ALKBH8: variants seen among roughly 807,000 people sequenced by gnomAD.
ALKBH8 encodes the protein alkB homolog 8, tRNA methyltransferase, also known as tRNA (carboxymethyluridine(34)-5-O)-methyltransferase ALKBH8.
Under a neutral mutation model 59.8 loss-of-function variants are expected in ALKBH8, and 36 were observed. The ratio of observed to expected loss-of-function variants is 0.60; its 90% CI spans 0.46 to 0.79. ALKBH8 has a LOEUF of 0.79. Ranked by LOEUF, ALKBH8 falls within the 30% of genes least tolerant of loss-of-function variation. ALKBH8 has a pLI of 0.00. For synonymous variants in ALKBH8, 276 were observed against 273.6 expected (o/e 1.01, Z -0.09); for missense variants, 768 against 801.0 (o/e 0.96, Z 0.50).
chr11:107,546,205 T>C (rs990832346), intron 7 of ALKBH8, among the ~76,000 whole-genome samples: 16 of 152,222 alleles, frequency 1.1e-4, no homozygotes, highest in African/African-American at 3.1e-4. Context: ...TAATAGAAGT[T>C]AGGTATTGGT....
At chr11:107,528,614 T>C (rs534637400) in intron 8 of ALKBH8, among the ~76,000 whole-genome samples, 15 of 152,300 alleles carry the variant, frequency 9.8e-5, no homozygotes, top group African/African-American at 3.4e-4. Context: ...TTCTCTATTA[T>C]GGTTCTTTTA....
At chr11:107,508,663 T>G (rs1405811970) in intron 11 of ALKBH8, among the ~76,000 whole-genome samples, 2 of 152,156 alleles carry the variant, frequency 1.3e-5, no homozygotes, top group African/African-American at 4.8e-5. Context: ...TCATAGCAAC[T>G]CCCATGCCTC....
chr11:107,525,388 CT>C, intron 9 of ALKBH8, 52 bp downstream of exon 9: 1 of 1,473,152 alleles, frequency 6.8e-7, no homozygotes, highest in Non-Finnish European at 9.0e-7. Flanking sequence ...CCTTAAAGGA[CT>C]TTTATATTAA....
At chr11:107,514,188 C>T (rs1862760020) in intron 10 of ALKBH8, among the ~76,000 whole-genome samples, 1 of 150,214 alleles carries the variant, frequency 6.7e-6, no homozygotes, top group African/African-American at 2.5e-5. Context: ...TTCAATTTAC[C>T]AAAAAAAACA....
chr11:107,550,709 T>C (rs1425716487), intron 6 of ALKBH8, among the ~76,000 whole-genome samples: 1 of 152,104 alleles, frequency 6.6e-6, no homozygotes, highest in Non-Finnish European at 1.5e-5. Context: ...AAAACAAAAC[T>C]CCATAACTCC....
intron 7 of ALKBH8, among the ~76,000 whole-genome samples, chr11:107,547,346 G>A (rs1432162547): frequency 6.6e-6 from 1 of 152,166 alleles, no homozygotes; most frequent in African/African-American, 2.4e-5. Context: ...AGAGTGGAAA[G>A]TCATCTCTCT....
intron 10 of ALKBH8, among the ~76,000 whole-genome samples, chr11:107,511,399 A>C (rs1270326426): frequency 6.6e-6 from 1 of 152,160 alleles, no homozygotes; most frequent in East Asian, 1.9e-4. Flanking sequence ...ACATAAACAC[A>C]GACAGTCTTT....
At chr11:107,509,392 T>C (rs1364890430) in intron 11 of ALKBH8, among the ~76,000 whole-genome samples, 1 of 152,224 alleles carries the variant, frequency 6.6e-6, no homozygotes, top group African/African-American at 2.4e-5. Context: ...TTATATATTA[T>C]GGATATTAAT....
At position 107,541,816 on chromosome 11, in the gene ALKBH8, C is replaced by T. The variant is rs141572027; in HGVS notation, c.771+7937G>A. 1.9e-3 allele frequency among the ~76,000 whole-genome samples: 288 copies of T among 152,070 alleles called. 1 individual carries two copies. Among genetic ancestry groups the T allele is most frequent in the African/African-American group, 6.7e-3 (279 of 41,510 alleles). ...ACCTCAAATATTCAAATATCAGAAA[C>T]AGGCTATAAAACAAAGATGCTTACC... On this transcript the variant is annotated intron_variant, in intron 7 of 11. Coordinates refer to ENST00000428149, the MANE Select transcript of ALKBH8 (RefSeq NM_138775.3).
intron 7 of ALKBH8, among the ~76,000 whole-genome samples, chr11:107,534,409 C>T (rs1348688743): frequency 6.6e-6 from 1 of 152,072 alleles, no homozygotes; most frequent in Non-Finnish European, 1.5e-5. Context: ...TTTTATTAAT[C>T]GTTTGGTGAG....
chr11:107,502,991 A>G lies in ALKBH8; in HGVS notation c.*1667T>C, dbSNP rs1034119415. ...TAATAAATGGCAGATCTAGAATTCA[A>G]CTCTCAGGAAATCTGATTCTAGAGC... On this transcript the variant is annotated 3_prime_UTR_variant, in exon 12 of 12. Transcript: ENST00000428149. 9 of 152,096 alleles carry G rather than the reference A, an allele frequency of 5.9e-5. No individual in the cohort carries two copies. Among genetic ancestry groups the G allele is most frequent in the African/African-American group, 2.2e-4 (9 of 41,396 alleles). The allele number at this position is 152,096 out of a possible 1,614,324, so 9.4% of individuals were successfully genotyped here. A position where few individuals can be genotyped will look rare whatever the true frequency, so the allele number is the denominator to read the frequency against.
rs764953452 is a variant in ALKBH8 at position 107,553,855 on chromosome 11, T to C, written c.491A>G (p.Asn164Ser). The C allele has an allele frequency of 2.5e-6, 4 of 1,608,788 alleles. No homozygotes were observed. The South Asian group carries it at 3.3e-5, about 13-fold the overall frequency. Residue 164 changes from asparagine to serine, a missense_variant, in exon 4 of 12, where the codon AAT (asparagine) becomes AGT (serine). Asn to Ser is a conservative substitution (Grantham distance 46, BLOSUM62 1). Coordinates refer to ENST00000428149, the MANE Select transcript of ALKBH8 (RefSeq NM_138775.3). ...ESVDWTEDTD[N>S]QNSQKSLKHR... Reference sequence around the variant, plus strand: ...TTGAAAGTTTTACTTACAGTTTTGATTGTCTGTATCTTCTGTCCAATCAAC... The same window carrying C: ...TTGAAAGTTTTACTTACAGTTTTGACTGTCTGTATCTTCTGTCCAATCAAC...
At chr11:107,559,338 G>A (rs1864844719) in intron 2 of ALKBH8, among the ~76,000 whole-genome samples, 1 of 152,006 alleles carries the variant, frequency 6.6e-6, no homozygotes, top group South Asian at 2.1e-4. Flanking sequence ...ATAATTAGAG[G>A]TCCATCTACA....
At chr11:107,549,681 G>A (rs2135567241) in intron 7 of ALKBH8, 72 bp downstream of exon 7, 1 of 1,059,112 alleles carries the variant, frequency 9.4e-7, no homozygotes, top group East Asian at 2.8e-5. Flanking sequence ...CATTAAGAAT[G>A]TGGATAATCT....
intron 8 of ALKBH8, among the ~76,000 whole-genome samples, chr11:107,528,829 G>C (rs1002819069): frequency 2.0e-5 from 3 of 152,012 alleles, no homozygotes; most frequent in African/African-American, 7.2e-5. Context: ...TATAAAAACA[G>C]TTTTATAGAT....
At chr11:107,548,855 C>CTT (rs56654607) in intron 7 of ALKBH8, among the ~76,000 whole-genome samples, 11 of 146,856 alleles carry the variant, frequency 7.5e-5, no homozygotes, top group African/African-American at 2.7e-4. Flanking sequence ...GATTTTCTTT[C>CTT]TTTTTTTTTT....
chr11:107,522,436 C>T lies in ALKBH8; in HGVS notation c.1150G>A (p.Gly384Arg), dbSNP rs1371358506. The T allele has an allele frequency of 2.5e-5, 39 of 1,551,774 alleles. No individual in the cohort carries two copies. Among genetic ancestry groups the T allele is most frequent in the Non-Finnish European group, 3.3e-5 (38 of 1,147,020 alleles). ...GTATGTCTTGTGCTGCTGAAGTGCC[C>T]AGCAATCTCTTCATAAACCTGATGG... is the stretch of plus-strand genomic sequence containing the variant. ...YVHQVYEEIA[G>R]HFSSTRHTPW... The change falls in exon 10 of 12, where the codon GGG becomes AGG. Residue 384 changes from glycine (G) to arginine (R), a missense_variant. Gly to Arg is a moderately radical substitution (Grantham distance 125). Coordinates refer to ENST00000428149, the MANE Select transcript of ALKBH8 (RefSeq NM_138775.3).
rs589788 is a variant in ALKBH8, at chr11:107,532,269, A to T, written c.878+31T>A. On this transcript the variant is annotated intron_variant, in intron 8 of 11. Coordinates refer to ENST00000428149, the MANE Select transcript of ALKBH8 (RefSeq NM_138775.3). ...CAGAAGAATGAGAAGTCTCATAAAG[A>T]AAAAGAATCCTGTCATATTTCAATA... 0.53 allele frequency: 834,014 copies of T among 1,566,312 alleles called. 228,372 individuals carry two copies. Among genetic ancestry groups the T allele is most frequent in the Non-Finnish European group, 0.56 (642,846 of 1,144,774 alleles).
intron 7 of ALKBH8, among the ~76,000 whole-genome samples, chr11:107,545,475 A>G (rs1864210901): frequency 6.6e-6 from 1 of 152,188 alleles, no homozygotes. Flanking sequence ...CTCAACAGGT[A>G]TTTGCTGAAA....
Sources: allele counts gnomAD v4.1 joint callset (sites outside exome capture counted in the v4.1 genomes callset), GRCh38; gene constraint gnomAD v4.1.1; transcripts MANE v1.5; gene names NCBI Gene and HGNC (gene_info 2026-07-23, HGNC 2026-07-21).